Variants in HSF5 observed in about 807,000 individuals in gnomAD.
HSF5 encodes the protein heat shock factor protein 5.
Under a neutral mutation model 50.8 loss-of-function variants are expected in HSF5, and 5 were observed. That is an observed-to-expected ratio of 0.10 (90% CI 0.05 to 0.21). The LOEUF (loss-of-function observed/expected upper bound fraction) is 0.21. Among genes scored for constraint, HSF5 ranks in the 10% least tolerant of loss-of-function variants. HSF5 has a pLI of 1.00. For missense variants in HSF5, 564 were observed against 762.6 expected, an observed-to-expected ratio of 0.74 and a Z score of 3.07; for synonymous variants, 307 against 307.4, an observed-to-expected ratio of 1.00 and a Z score of 0.02.
intron 2 of HSF5, among the ~76,000 whole-genome samples, chr17:58,473,061 C>G (rs772703759): frequency 5.3e-5 from 8 of 152,112 alleles, no homozygotes; most frequent in Non-Finnish European, 8.8e-5. Flanking sequence ...GGGGGGCAGG[C>G]GAGCACAGTG....
At chr17:58,476,736 T>A in intron 2 of HSF5, 4 of 1,596,380 alleles carry the variant, frequency 2.5e-6, no homozygotes, top group Middle Eastern at 2.3e-4. Flanking sequence ...TCAATTCTGA[T>A]CTCTTCTGAA....
chr17:58,480,909 T>C (rs889471233), intron 1 of HSF5, among the ~76,000 whole-genome samples: 8 of 152,102 alleles, frequency 5.3e-5, no homozygotes, highest in African/African-American at 9.7e-5. Context: ...CACCTCAGCC[T>C]CCTGACTAGC....
Position 58,466,987 on chromosome 17 carries a change from A to C in HSF5, c.926-8T>G, listed in dbSNP as rs2143788650. On this transcript the variant is annotated splice_polypyrimidine_tract_variant and splice_region_variant and intron_variant, in intron 2 of 5. Coordinates refer to ENST00000323777, the MANE Select transcript of HSF5 (RefSeq NM_001080439.3). The stretch of plus-strand genomic sequence containing the variant: ...AACAGCACTGTAGCACAGCTGGAAC[A>C]AATTCAAACACAGAAAAGCCATCAA... The C allele has an allele frequency of 6.3e-7, 1 of 1,576,688 alleles. No individual in the cohort carries two copies. Among genetic ancestry groups the C allele is most frequent in the Non-Finnish European group, 8.7e-7 (1 of 1,146,360 alleles).
chr17:58,431,093 G>A (rs1463176387), intron 5 of HSF5, among the ~76,000 whole-genome samples: 6 of 152,148 alleles, frequency 3.9e-5, no homozygotes, highest in African/African-American at 1.4e-4. Context: ...TTTATAAGGG[G>A]GAGTTTCCCT....
intron 2 of HSF5, among the ~76,000 whole-genome samples, chr17:58,469,347 C>T (rs1003110784): frequency 2.0e-5 from 3 of 152,134 alleles, no homozygotes; most frequent in Non-Finnish European, 4.4e-5. Flanking sequence ...AAATAAACTA[C>T]AATATATAAC....
Position 58,462,788 on chromosome 17 carries a change from T to G in HSF5, c.1536A>C (p.Thr512=). Residue 512 remains threonine (T), a synonymous_variant, in exon 4 of 6, where the codon ACA becomes ACC. Transcript: ENST00000323777. The part of the protein sequence containing the change: ...VFVQEGPPFS[T]HQVDANIKCQ... ...TTTTTCTTTGCCCCCTTACCTGGTG[T>G]GTGCTGAATGGTGGCCCTTCCTGCA... 1 of 1,599,456 alleles carries G rather than the reference T, an allele frequency of 6.3e-7. No individual in the cohort carries two copies. Among genetic ancestry groups the G allele is most frequent in the Non-Finnish European group, 8.5e-7 (1 of 1,173,142 alleles).
chr17:58,428,455 C>T (rs1307378815), intron 5 of HSF5, among the ~76,000 whole-genome samples: 1 of 152,040 alleles, frequency 6.6e-6, no homozygotes. Context: ...GTCAGGAGAT[C>T]GAGACCATCC....
chr17:58,424,469 G>C (rs1295980973), intron 5 of HSF5, among the ~76,000 whole-genome samples: 2 of 152,028 alleles, frequency 1.3e-5, no homozygotes, highest in African/African-American at 4.8e-5. Context: ...AAAATTAGTT[G>C]GGCATGGTGG....
At chr17:58,467,095 T>C in intron 2 of HSF5, 116 bp from the exon 3 acceptor site, 2 of 655,042 alleles carry the variant, frequency 3.1e-6, no homozygotes, top group Non-Finnish European at 5.4e-6. Context: ...TTCTTTTGTA[T>C]GTCTAACAAA....
chr17:58,482,452 T>A (rs1975110978), intron 1 of HSF5, among the ~76,000 whole-genome samples: 1 of 151,956 alleles, frequency 6.6e-6, no homozygotes, highest in South Asian at 2.1e-4. Flanking sequence ...CTCACACTTG[T>A]AACACTAGCA....
chr17:58,442,912 A>AT (rs34849070), intron 5 of HSF5, among the ~76,000 whole-genome samples: 24,068 of 137,066 alleles, frequency 0.18, 2,079 homozygotes, highest in Middle Eastern at 0.23. Context: ...TAATTTTTGC[A>AT]TTTTTTTTTT....
intron 5 of HSF5, among the ~76,000 whole-genome samples, chr17:58,441,369 G>T (rs186030254): frequency 2.3e-4 from 35 of 152,232 alleles, no homozygotes; most frequent in Non-Finnish European, 3.5e-4. Context: ...CAGCTGAAGC[G>T]ATGTTTAAAG....
intron 5 of HSF5, among the ~76,000 whole-genome samples, chr17:58,454,420 G>T (rs1974682073): frequency 6.6e-6 from 1 of 152,052 alleles, no homozygotes; most frequent in South Asian, 2.1e-4. Flanking sequence ...TCGAAGATCT[G>T]GAACAAGCCA....
At position 58,488,119 on chromosome 17, in the gene HSF5, G is replaced by T; in HGVS notation, c.156C>A (p.Ser52Arg). 6.4e-7 allele frequency: 1 copy of T among 1,573,854 alleles called. No individual in the cohort carries two copies. The highest frequency in any genetic ancestry group is 8.6e-7 in the Non-Finnish European group (1 of 1,168,672). Residue 52 changes from serine to arginine, a missense_variant, in exon 1 of 6, where the codon AGC becomes AGA. Ser to Arg is a moderately radical substitution (Grantham distance 110). Around this residue, in one of 5 missense-constraint regions of HSF5, gnomAD observed 72 missense variants for 110.9 expected, o/e 0.65. Coordinates refer to ENST00000323777, the MANE Select transcript of HSF5 (RefSeq NM_001080439.3). The surrounding 1 kb of genome is among the most constrained non-coding windows in gnomAD (Gnocchi z 4.1). ...DQPLFEAELLSPPGPGGGGGT... is the reference protein window; with the variant it reads ...DQPLFEAELLRPPGPGGGGGT... ...CGCCACCGCCCCCCGGCCCGGGCGG[G>T]CTGAGCAGCTCGGCCTCGAAGAGCG...
chr17:58,433,139 G>A (rs537546289), intron 5 of HSF5, among the ~76,000 whole-genome samples: 39 of 152,212 alleles, frequency 2.6e-4, no homozygotes, highest in African/African-American at 8.7e-4. Context: ...TCAGCCTTCC[G>A]AGTAGCTGGG....
intron 5 of HSF5, 147 bp from the exon 6 acceptor site, chr17:58,422,577 A>G: frequency 1.7e-6 from 1 of 576,984 alleles, no homozygotes; most frequent in Admixed American, 3.4e-5. Context: ...CAATTTCGGG[A>G]TATTCCTGTA....
Position 58,454,243 on chromosome 17 carries a change from CAAAAAATAAATA to C in HSF5, c.1720+4513_1720+4524del, listed in dbSNP as rs571249546. On this transcript the variant is annotated intron_variant, in intron 5 of 5. Transcript: ENST00000323777. Reference sequence around the variant, plus strand: ...AAACAAAAACAAAAACAAAACAAAACAAAAAATAAATAAAAAAATAAATAAAAATAAAAAATA... The same window carrying C: ...AAACAAAAACAAAAACAAAACAAAACAAAAAATAAATAAAAATAAAAAATA... Among the ~76,000 whole-genome samples, 398 of 151,630 alleles carry C rather than the reference CAAAAAATAAATA, an allele frequency of 2.6e-3. 1 individual carries two copies. Among genetic ancestry groups the C allele is most frequent in the African/African-American group, 8.6e-3 (354 of 41,362 alleles).
At chr17:58,461,869 C>CA (rs911303714) in intron 4 of HSF5, among the ~76,000 whole-genome samples, 40 of 146,420 alleles carry the variant, frequency 2.7e-4, no homozygotes, top group East Asian at 5.9e-4. Context: ...GACTCCACCT[C>CA]AAAAAAAAAA....
chr17:58,477,793 A>C (rs1413372839), intron 2 of HSF5, among the ~76,000 whole-genome samples: 1 of 151,596 alleles, frequency 6.6e-6, no homozygotes, highest in African/African-American at 2.4e-5. Flanking sequence ...CATTTCTTCT[A>C]CTTTAAGTAA....
Sources: gnomAD v4.1 joint callset for allele counts (sites outside exome capture counted in the v4.1 genomes callset) on GRCh38, gnomAD v4.1.1 for gene constraint, gnomAD v4.1.1 regional missense constraint, Gnocchi (gnomAD v3.1) non-coding constraint, MANE v1.5 for transcripts, NCBI Gene and HGNC (gene_info 2026-07-23, HGNC 2026-07-21) for gene names.